HK1: variants seen among roughly 807,000 people sequenced by gnomAD.
HK1 encodes the protein hexokinase 1.
Under a neutral mutation model 91.6 loss-of-function variants are expected in HK1, and 28 were observed. The ratio of observed to expected loss-of-function variants is 0.31; its 90% CI spans 0.23 to 0.42. HK1 has a LOEUF of 0.42. Ranked by LOEUF, HK1 falls within the 10% of genes least tolerant of loss-of-function variation. The pLI, the probability that HK1 is intolerant of heterozygous loss-of-function variation, is 1.00. For missense variants in HK1, 770 were observed against 1,219.8 expected, an observed-to-expected ratio of 0.63 and a Z score of 5.49; for synonymous variants, 430 against 468.1, an observed-to-expected ratio of 0.92 and a Z score of 1.05.
intron 13 of HK1, chr10:69,386,798 A>ATAAC (rs950568984): frequency 6.3e-6 from 1 of 158,622 alleles, no homozygotes; most frequent in Non-Finnish European, 1.4e-5. Flanking sequence ...AAATAAATAA[A>ATAAC]TAAATAATAC....
At chr10:69,377,456 C>T (rs951476944) in intron 8 of HK1, among the ~76,000 whole-genome samples, 15 of 151,830 alleles carry the variant, frequency 9.9e-5, no homozygotes, top group Non-Finnish European at 1.2e-4. Context: ...TGGTAAAGCC[C>T]GGAGCCTGGG....
chr10:69,318,071 A>G, upstream of HK1: 2 of 985,438 alleles, frequency 2.0e-6, no homozygotes, highest in South Asian at 9.4e-5. Flanking sequence ...CCTGTGGCCC[A>G]AGTCCCGCCC....
At chr10:69,270,514 T>C (rs569557301) in intron 1 of HK1, among the ~76,000 whole-genome samples, 17 of 151,382 alleles carry the variant, frequency 1.1e-4, no homozygotes, top group African/African-American at 3.9e-4. Flanking sequence ...ACCCAGGAGG[T>C]AGAGGTTGCA....
At chr10:69,316,953 G>A (rs181178520), upstream of HK1, among the ~76,000 whole-genome samples, 36 of 152,350 alleles carry the variant, frequency 2.4e-4, no homozygotes, top group Admixed American at 1.3e-3. Flanking sequence ...TAACGGCCAT[G>A]TAGGTAGTTC....
At chr10:69,399,349 A>G (rs1337756357) in intron 17 of HK1, among the ~76,000 whole-genome samples, 1 of 152,142 alleles carries the variant, frequency 6.6e-6, no homozygotes, top group African/African-American at 2.4e-5. Context: ...GTCTGTACAA[A>G]AAAATTTTGA....
At position 69,338,284 on chromosome 10, in the gene HK1, C is replaced by T. The variant is rs1848101524; in HGVS notation, c.64-5543C>T. 9 of 1,177,812 alleles carry T rather than the reference C, an allele frequency of 7.6e-6. No individual in the cohort carries two copies. In the South Asian group the frequency reaches 1.5e-4, roughly 19 times the overall value. 73.0% of individuals were successfully genotyped at this position (1,177,812 alleles called of 1,614,324 possible). A position where few individuals can be genotyped will look rare whatever the true frequency, so the allele number is the denominator to read the frequency against. On this transcript the variant is annotated intron_variant, in intron 1 of 17. Transcript: ENST00000359426. Reference sequence around the variant, plus strand: ...CTCTGGGCAGCGGTGGACAGAGGCCCTGGAGGCTGGATGCGGGTTCTCAGG... The same window carrying T: ...CTCTGGGCAGCGGTGGACAGAGGCCTTGGAGGCTGGATGCGGGTTCTCAGG...
chr10:69,380,143 AGGGACCTTCTC>A lies in HK1; in HGVS notation c.1265+49_1265+59del. 4 of 1,463,066 alleles carry A rather than the reference AGGGACCTTCTC, an allele frequency of 2.7e-6. No homozygotes were observed. Among genetic ancestry groups the A allele is most frequent in the Non-Finnish European group, 3.8e-6 (4 of 1,042,828 alleles). The allele number at this position is 1,463,066 out of a possible 1,614,324, so 90.6% of individuals were successfully genotyped here. On this transcript the variant is annotated intron_variant, in intron 9 of 17. Transcript: ENST00000359426. The surrounding 1 kb of genome is among the most constrained non-coding windows in gnomAD (Gnocchi z 4.0). ...TTGGCACTCTGTACCCATTGTGGGT[AGGGACCTTCTC>A]CAGAGATCAGACTTTTGTACCCGGT... is the stretch of plus-strand genomic sequence containing the variant.
chr10:69,343,412 A>C (rs113425104), intron 1 of HK1, among the ~76,000 whole-genome samples: 24 of 152,318 alleles, frequency 1.6e-4, no homozygotes, highest in African/African-American at 5.1e-4. Context: ...GATTGAACCC[A>C]GTTGGCTGGC....
intron 5 of HK1, among the ~76,000 whole-genome samples, chr10:69,307,877 C>T (rs1354991639): frequency 1.3e-5 from 2 of 152,002 alleles, no homozygotes; most frequent in African/African-American, 2.4e-5. Flanking sequence ...CTCACTCTGT[C>T]AGCCAGGCTG....
intron 17 of HK1, among the ~76,000 whole-genome samples, chr10:69,399,815 A>G (rs1055611718): frequency 7.9e-5 from 12 of 152,084 alleles, no homozygotes; most frequent in African/African-American, 2.2e-4. Context: ...TTACTCTGGG[A>G]CTGTAGGCAA....
chr10:69,322,942 T>C (rs1847129091), intron 1 of HK1, among the ~76,000 whole-genome samples: 1 of 137,834 alleles, frequency 7.3e-6, no homozygotes, highest in Admixed American at 7.5e-5. Flanking sequence ...AGAGAGGTGA[T>C]AGTTAGAAAA....
intron 1 of HK1, among the ~76,000 whole-genome samples, chr10:69,326,208 T>TTA (rs1847367446): frequency 6.6e-6 from 1 of 151,794 alleles, no homozygotes; most frequent in Admixed American, 6.6e-5. Context: ...CGGGTATGAA[T>TTA]TATATATATA....
At chr10:69,364,990 G>C in intron 4 of HK1, 88 bp downstream of exon 4, 1 of 1,482,480 alleles carries the variant, frequency 6.7e-7, no homozygotes, top group Non-Finnish European at 9.4e-7. Context: ...TTTCCCCTTT[G>C]TTGGCAGAAT....
chr10:69,361,506 C>CTAAT, intron 3 of HK1, among the ~76,000 whole-genome samples: 1 of 152,366 alleles, frequency 6.6e-6, no homozygotes, highest in East Asian at 1.9e-4. Context: ...GTTGAGCTAC[C>CTAAT]TAAGCCTGGC....
At chr10:69,398,511 G>A in intron 16 of HK1, 84 bp from the exon 17 acceptor site, 1 of 937,276 alleles carries the variant, frequency 1.1e-6, no homozygotes, top group Admixed American at 2.0e-5. Context: ...GTGATTGGGG[G>A]CGGGGGGCGT....
At chr10:69,297,432 G>A (rs1048095284) in intron 4 of HK1, among the ~76,000 whole-genome samples, 3 of 152,102 alleles carry the variant, frequency 2.0e-5, no homozygotes, top group Non-Finnish European at 2.9e-5. Context: ...GGTGTTGTTC[G>A]AGGGTCAACT....
chr10:69,299,900 TTCGCCTGCCTTGGCC>T (rs1356855457), intron 4 of HK1, among the ~76,000 whole-genome samples: 1 of 151,242 alleles, frequency 6.6e-6, no homozygotes, highest in Non-Finnish European at 1.5e-5. Context: ...GACCTCATGA[TTCGCCTGCCTTGGCC>T]TCCCAAAGTG....
intron 16 of HK1, among the ~76,000 whole-genome samples, chr10:69,397,604 C>T (rs1840200021): frequency 6.6e-6 from 1 of 152,202 alleles, no homozygotes; most frequent in South Asian, 2.1e-4. Context: ...TCAATTTCTC[C>T]CAGCCTCAGT....
upstream of HK1, among the ~76,000 whole-genome samples, chr10:69,314,887 C>T (rs1305328994): frequency 2.0e-5 from 3 of 152,060 alleles, no homozygotes; most frequent in Non-Finnish European, 4.4e-5. Context: ...AGGCTGGTCT[C>T]GAACTCCTGA....
Sources: gnomAD v4.1 joint callset for allele counts (sites outside exome capture counted in the v4.1 genomes callset) on GRCh38, gnomAD v4.1.1 for gene constraint, Gnocchi (gnomAD v3.1) non-coding constraint, MANE v1.5 for transcripts, NCBI Gene and HGNC (gene_info 2026-07-23, HGNC 2026-07-21) for gene names.